Variants in TNS4 observed in about 807,000 individuals in gnomAD.
TNS4 encodes tensin-4.
A neutral mutation model predicts 70.4 loss-of-function variants in TNS4; 46 were observed. The ratio of observed to expected loss-of-function variants is 0.65; its 90% CI spans 0.52 to 0.84. The LOEUF is 0.84. Ranked by LOEUF, TNS4 falls within the 40% of genes least tolerant of loss-of-function variation. The pLI, the probability that TNS4 is intolerant of heterozygous loss-of-function variation, is 0.00. For missense variants in TNS4, 863 were observed against 907.0 expected, an observed-to-expected ratio of 0.95 and a Z score of 0.62; for synonymous variants, 390 against 366.6, an observed-to-expected ratio of 1.06 and a Z score of -0.73.
intron 8 of TNS4, 112 bp from the exon 9 acceptor site, chr17:40,480,880 C>G (rs1183112028): frequency 8.2e-7 from 1 of 1,224,768 alleles, no homozygotes; most frequent in African/African-American, 1.6e-5. Context: ...ACCTCCACCC[C>G]CATCTCCAGG....
chr17:40,487,149 G>A lies in TNS4; in HGVS notation c.1175C>T (p.Pro392Leu). 6.2e-7 allele frequency: 1 copy of A among 1,614,190 alleles called. No individual in the cohort carries two copies. The highest frequency in any genetic ancestry group is 8.5e-7 in the Non-Finnish European group (1 of 1,180,024). ...AGGTTGAACGGAGTTCTGGTGTCCTGGGGTCCGCTGGGGTGGAGAAGACCC... is the reference window on the plus strand; with the variant it reads ...AGGTTGAACGGAGTTCTGGTGTCCTAGGGTCCGCTGGGGTGGAGAAGACCC... Reference protein sequence around the residue: ...EPGSSPPQRTPGHQNSVQPGA... With the variant: ...EPGSSPPQRTLGHQNSVQPGA... The change falls in exon 4 of 13, where the codon CCA (proline) becomes CTA (leucine). Residue 392 changes from proline (P) to leucine (L), a missense_variant. Transcript: ENST00000254051.
At chr17:40,494,063 G>C (rs1019845165) in intron 2 of TNS4, among the ~76,000 whole-genome samples, 1 of 152,272 alleles carries the variant, frequency 6.6e-6, no homozygotes, top group Non-Finnish European at 1.5e-5. Flanking sequence ...AGAGGGGACA[G>C]AGCAGGCAGG....
rs1310741945 is a variant in TNS4 at position 40,477,364 on chromosome 17, A to G, written c.*224T>C. On this transcript the variant is annotated 3_prime_UTR_variant, in exon 13 of 13. Transcript: ENST00000254051. ...CATCTAAGAACAGCTGATCTTGTCT[A>G]TTGGTCTTCTTCTATGATTGAGGAA... 1 of 526,574 alleles carries G rather than the reference A, an allele frequency of 1.9e-6. No individual in the cohort carries two copies. The highest frequency in any genetic ancestry group is 3.1e-5 in the East Asian group (1 of 31,770). 32.6% of individuals were successfully genotyped at this position (526,574 alleles called of 1,614,324 possible). A position where few individuals can be genotyped will look rare whatever the true frequency, so the allele number is the denominator to read the frequency against.
chr17:40,495,086 G>T (rs1272884042), intron 2 of TNS4, among the ~76,000 whole-genome samples: 2 of 151,764 alleles, frequency 1.3e-5, no homozygotes, highest in Non-Finnish European at 2.9e-5. Flanking sequence ...AAATTTTCAG[G>T]ATTTTGTCTA....
chr17:40,495,204 C>T (rs984469159), intron 2 of TNS4, among the ~76,000 whole-genome samples: 8 of 152,106 alleles, frequency 5.3e-5, no homozygotes, highest in African/African-American at 1.7e-4. Context: ...CGTCACGTCC[C>T]AATTATTTTA....
chr17:40,482,267 A>G, intron 7 of TNS4, 57 bp downstream of exon 7: 1 of 1,614,070 alleles, frequency 6.2e-7, no homozygotes, highest in Non-Finnish European at 8.5e-7. Flanking sequence ...CTCAGCTCAC[A>G]ACGGAGACTT....
At chr17:40,480,806 G>C (rs557589256) in intron 8 of TNS4, 38 bp from the exon 9 acceptor site, 1 of 1,594,340 alleles carries the variant, frequency 6.3e-7, no homozygotes, top group Non-Finnish European at 8.5e-7. Flanking sequence ...CCAAAGGGGC[G>C]GGGGTGGAGT....
At chr17:40,486,896 G>T in intron 4 of TNS4, 140 bp downstream of exon 4, 1 of 1,116,218 alleles carries the variant, frequency 9.0e-7, no homozygotes, top group Non-Finnish European at 1.3e-6. Flanking sequence ...GTTTCCCTCT[G>T]TGTGTCCTCA....
In TNS4 at chr17:40,484,929, C is replaced by A; in HGVS notation, c.1367G>T (p.Arg456Leu). 6.2e-7 allele frequency: 1 copy of A among 1,614,162 alleles called. No homozygotes were observed. The highest frequency in any genetic ancestry group is 8.5e-7 in the Non-Finnish European group (1 of 1,180,028). Reference sequence around the variant, plus strand: ...CTCGTGCTTCCTTTTACCTTGCTCTCGGGTGATGTTTGGCTTAAACCAGTA... The same window carrying A: ...CTCGTGCTTCCTTTTACCTTGCTCTAGGGTGATGTTTGGCTTAAACCAGTA... Reference protein sequence around the residue: ...SKYWFKPNITREQAIELLRKE... With the variant: ...SKYWFKPNITLEQAIELLRKE... Residue 456 changes from arginine (R) to leucine (L), a missense_variant, in exon 5 of 13, where the codon CGA becomes CTA. Arg to Leu is a moderately radical substitution (Grantham distance 102). Transcript: ENST00000254051.
chr17:40,478,386 G>C, intron 11 of TNS4, 53 bp from the exon 12 acceptor site: 1 of 1,598,140 alleles, frequency 6.3e-7, no homozygotes, highest in Non-Finnish European at 8.5e-7. Context: ...CATGCCACAG[G>C]ACCCTGGAGG....
At chr17:40,480,106 G>A in intron 9 of TNS4, 1 of 456,772 alleles carries the variant, frequency 2.2e-6, no homozygotes, top group Non-Finnish European at 3.9e-6. Context: ...CCTGTGTGTA[G>A]AGGTGCCCAG....
At chr17:40,486,973 C>T in intron 4 of TNS4, 63 bp downstream of exon 4, 1 of 1,577,800 alleles carries the variant, frequency 6.3e-7, no homozygotes, top group Non-Finnish European at 8.6e-7. Context: ...GTTGCAGAAA[C>T]CCACTGGCAC....
At position 40,478,647 on chromosome 17, in the gene TNS4, C is replaced by T; in HGVS notation, c.1912G>A (p.Val638Met). The change falls in exon 11 of 13, where the codon GTG (valine) becomes ATG (methionine). Residue 638 changes from valine (V) to methionine (M), a missense_variant and splice_region_variant. Physicochemically the swap from Val to Met is conservative, Grantham distance 21. Transcript: ENST00000254051. ...AGTGGGTAATGGCGCCGGAAAAACA[C>T]CCTAGGAGGAGGCGGGGAGAGAAGG... Reference protein sequence around the residue: ...GITLTDVQRKVFFRRHYPLTT... With the variant: ...GITLTDVQRKMFFRRHYPLTT... The T allele has an allele frequency of 2.5e-6, 4 of 1,613,984 alleles. No individual in the cohort carries two copies. The highest frequency in any genetic ancestry group is 3.4e-6 in the Non-Finnish European group (4 of 1,179,910).
chr17:40,491,022 A>G (rs2036060640), intron 2 of TNS4, among the ~76,000 whole-genome samples: 1 of 152,188 alleles, frequency 6.6e-6, no homozygotes. Context: ...GATGACTGCA[A>G]GAAGAGAGTG....
chr17:40,479,112 G>A (rs746366781), intron 10 of TNS4, among the ~76,000 whole-genome samples: 2 of 152,026 alleles, frequency 1.3e-5, no homozygotes, highest in Non-Finnish European at 2.9e-5. Context: ...AGGCATAATC[G>A]GCACCCATGA....
chr17:40,488,128 G>C (rs931510649), intron 3 of TNS4, among the ~76,000 whole-genome samples: 3 of 152,152 alleles, frequency 2.0e-5, no homozygotes, highest in African/African-American at 7.2e-5. Context: ...TCCCAGGCAG[G>C]GCTGCCTCAC....
chr17:40,488,668 G>C lies in TNS4; in HGVS notation c.741C>G (p.Gly247=). ...GSKASSPHGL[G]SPLVASPRLE... is the part of the protein sequence containing the mutation. ...GTCTTGGAGAAGCCACCAGCGGGGA[G>C]CCCAAACCATGGGGGCTCGAGGCCT... The change falls in exon 3 of 13, where the codon GGC becomes GGG. Residue 247 remains glycine, a synonymous_variant. Coordinates refer to ENST00000254051, the MANE Select transcript of TNS4 (RefSeq NM_032865.6). The C allele has an allele frequency of 6.4e-7, 1 of 1,569,392 alleles. No homozygotes were observed. The highest frequency in any genetic ancestry group is 8.6e-7 in the Non-Finnish European group (1 of 1,157,166).
At chr17:40,491,965 G>A (rs1157084879) in intron 2 of TNS4, among the ~76,000 whole-genome samples, 1 of 152,160 alleles carries the variant, frequency 6.6e-6, no homozygotes, top group African/African-American at 2.4e-5. Flanking sequence ...TGGGGTGCGG[G>A]GTGTTGGAGA....
In TNS4 at chr17:40,480,698, A is replaced by G. The variant is rs773210375; in HGVS notation, c.1741+2T>C. ...TGGCGCCTCCCTTCCTGTACCACTC[A>G]CCCGCAGATTTCTTCTGGCAGGAGG... is the stretch of plus-strand genomic sequence containing the variant. On this transcript the variant is annotated splice_donor_variant, in intron 9 of 12. Coordinates refer to ENST00000254051, the MANE Select transcript of TNS4 (RefSeq NM_032865.6). LOFTEE classifies it high-confidence loss of function. The G allele has an allele frequency of 9.0e-6, 14 of 1,553,402 alleles. No individual in the cohort carries two copies. Among genetic ancestry groups the G allele is most frequent in the Non-Finnish European group, 1.1e-5 (13 of 1,154,848 alleles).
Sources: gnomAD v4.1 joint callset for allele counts (sites outside exome capture counted in the v4.1 genomes callset) on GRCh38, gnomAD v4.1.1 for gene constraint, MANE v1.5 for transcripts, NCBI Gene and HGNC (gene_info 2026-07-23, HGNC 2026-07-21) for gene names.